The following EIF2S3 variants were observed in gnomAD, a reference collection of about 807,000 sequenced individuals.
The protein encoded by EIF2S3 is eukaryotic translation initiation factor 2 subunit gamma.
A neutral mutation model predicts 31.7 loss-of-function variants in EIF2S3; 2 were observed. The observed-to-expected ratio is 0.06, with a 90% confidence interval of 0.03 to 0.20. The LOEUF is 0.20. Ranked by LOEUF, EIF2S3 falls within the 10% of genes least tolerant of loss-of-function variation. EIF2S3 has a pLI of 1.00. For synonymous variants in EIF2S3, 120 were observed against 126.7 expected (o/e 0.95, Z 0.36); for missense variants, 96 against 359.3 (o/e 0.27, Z 5.92).
intron 11 of EIF2S3, among the ~76,000 whole-genome samples, chrX:24,074,862 CTTTTTTTTTTT>C (rs758813480): frequency 1.1e-4 from 5 of 47,474 alleles, no homozygotes; most frequent in Admixed American, 4.2e-4. Context: ...TTTTCTTCTT[CTTTTTTTTTTT>C]TTTTTTTTTT....
At position 24,064,327 on chromosome X, in the gene EIF2S3, G is replaced by A; in HGVS notation, c.764G>A (p.Arg255Gln). 7 of 1,176,387 alleles carry A rather than the reference G, an allele frequency of 6.0e-6. No individual in the cohort carries two copies. The South Asian group carries it at 6.0e-5, about 10-fold the overall frequency. ...CCAAGAGACTTTACTTCAGAGCCCC[G>A]GCTTATTGGTAAGTGATAGGATTTG... is the stretch of plus-strand genomic sequence containing the variant. ...VPPRDFTSEPRLIVIRSFDVN... is the reference protein window; with the variant it reads ...VPPRDFTSEPQLIVIRSFDVN... The change falls in exon 7 of 12, where the codon CGG (arginine) becomes CAG (glutamine). Residue 255 changes from arginine (R) to glutamine (Q), a missense_variant. By Grantham distance (43) the Arg-to-Gln change is conservative. Around this residue, in one of 5 missense-constraint regions of EIF2S3, gnomAD observed 30 missense variants for 139.5 expected, o/e 0.22. Transcript: ENST00000253039.
At chrX:24,065,396 G>A (rs376788244) in intron 7 of EIF2S3, among the ~76,000 whole-genome samples, 12 of 110,986 alleles carry the variant, frequency 1.1e-4, no homozygotes, top group East Asian at 8.4e-4. Context: ...TGAGGTGAGA[G>A]GATTGCTTGA....
intron 6 of EIF2S3, among the ~76,000 whole-genome samples, chrX:24,063,106 G>A (rs182969748): frequency 1.8e-5 from 2 of 111,835 alleles, no homozygotes; most frequent in African/African-American, 3.2e-5. Flanking sequence ...AGCAGGGTGT[G>A]GTGGCACATG....
intron 7 of EIF2S3, 133 bp downstream of exon 7, chrX:24,064,468 T>A (rs1930540670): frequency 1.2e-6 from 1 of 833,355 alleles, no homozygotes; most frequent in African/African-American, 2.1e-5. Flanking sequence ...AAATCAATTC[T>A]GAGATTGTAT....
chrX:24,055,238 G>T (rs1324526038), intron 1 of EIF2S3, among the ~76,000 whole-genome samples: 1 of 112,015 alleles, frequency 8.9e-6, no homozygotes, highest in Non-Finnish European at 1.9e-5. Flanking sequence ...GGCGTGTACG[G>T]TCGTGGGACT....
At chrX:24,073,855 G>A (rs1226244168) in intron 11 of EIF2S3, among the ~76,000 whole-genome samples, 1 of 112,006 alleles carries the variant, frequency 8.9e-6, no homozygotes, top group East Asian at 2.8e-4. Flanking sequence ...TAGAAAAATT[G>A]TAAGAGTTTT....
At chrX:24,065,410 TAGG>T (rs202118196) in intron 7 of EIF2S3, among the ~76,000 whole-genome samples, 1,610 of 111,321 alleles carry the variant, frequency 0.014, 32 homozygotes, top group African/African-American at 0.048. Context: ...TGCTTGAGGC[TAGG>T]AGTTCAGGAC....
chrX:24,055,274 A>G (rs998719399), intron 1 of EIF2S3, among the ~76,000 whole-genome samples: 1 of 111,513 alleles, frequency 9.0e-6, no homozygotes, highest in African/African-American at 3.3e-5. Flanking sequence ...GTTCGGCTGG[A>G]AAGTCTTGAT....
Position 24,077,904 on chromosome X carries a change from A to G in EIF2S3, c.*1119A>G, listed in dbSNP as rs1016259343. On this transcript the variant is annotated 3_prime_UTR_variant, in exon 12 of 12. Transcript: ENST00000253039. ...TTAACTGTTATATTATGATTGTGACATAGATTATACTACTACTAATTTTTG... is the reference window on the plus strand; with the variant it reads ...TTAACTGTTATATTATGATTGTGACGTAGATTATACTACTACTAATTTTTG... 5 of 112,239 alleles carry G rather than the reference A, an allele frequency of 4.5e-5. No individual in the cohort carries two copies. The Admixed American group carries it at 4.8e-4, about 11-fold the overall frequency. 9.2% of individuals were successfully genotyped at this position (112,239 alleles called of 1,213,427 possible). A position where few individuals can be genotyped will look rare whatever the true frequency, so the allele number is the denominator to read the frequency against.
intron 10 of EIF2S3, 87 bp from the exon 11 acceptor site, chrX:24,073,004 C>G (rs1354015543): frequency 1.0e-6 from 1 of 994,704 alleles, no homozygotes; most frequent in African/African-American, 1.9e-5. Flanking sequence ...TGACATATTT[C>G]CCAATAGTAT....
At position 24,064,519 on chromosome X, in the gene EIF2S3, C is replaced by T. The variant is rs1340739043; in HGVS notation, c.772+184C>T. 6.2e-5 allele frequency among the ~76,000 whole-genome samples: 7 copies of T among 112,555 alleles called. No individual in the cohort carries two copies. In the Admixed American group the frequency reaches 6.6e-4, roughly 11 times the overall value. ...GTATTACTGAATGAGGGACAGAGTC[C>T]TGAACACAGTAAGAACTGTTAACCT... On this transcript the variant is annotated intron_variant, in intron 7 of 11. Transcript: ENST00000253039.
At position 24,077,155 on chromosome X, in the gene EIF2S3, G is replaced by C. The variant is rs1196739600; in HGVS notation, c.*370G>C. The C allele has an allele frequency of 8.3e-6, 1 of 120,435 alleles. No individual in the cohort carries two copies. Among genetic ancestry groups the C allele is most frequent in the Admixed American group, 9.6e-5 (1 of 10,409 alleles). 9.9% of individuals were successfully genotyped at this position (120,435 alleles called of 1,213,427 possible). The stretch of plus-strand genomic sequence containing the variant: ...TGCAGTGGCGTGATCTGCAACCTCT[G>C]CCCCCCGGGTTCAAGCGATTCTCCT... On this transcript the variant is annotated 3_prime_UTR_variant, in exon 12 of 12. Transcript: ENST00000253039.
At chrX:24,059,552 A>G (rs1044734391) in intron 4 of EIF2S3, among the ~76,000 whole-genome samples, 1 of 109,664 alleles carries the variant, frequency 9.1e-6, no homozygotes, top group Non-Finnish European at 1.9e-5. Context: ...CCTCCCAAGT[A>G]GCTGGGATTA....
At chrX:24,059,639 T>C (rs1167137063) in intron 4 of EIF2S3, among the ~76,000 whole-genome samples, 5 of 111,596 alleles carry the variant, frequency 4.5e-5, no homozygotes, top group Non-Finnish European at 9.4e-5. Flanking sequence ...GTCAGGCTGG[T>C]CTCAAACTCC....
chrX:24,070,093 C>T (rs1178325495), intron 9 of EIF2S3, among the ~76,000 whole-genome samples: 1 of 108,284 alleles, frequency 9.2e-6, no homozygotes, highest in Non-Finnish European at 1.9e-5. Flanking sequence ...CTTGGCTGGG[C>T]GTGGTGGCTC....
Position 24,073,108 on chromosome X carries a change from G to A in EIF2S3, c.1200G>A (p.Lys400=). The A allele has an allele frequency of 2.5e-6, 3 of 1,208,152 alleles. No individual in the cohort carries two copies. The highest frequency in any genetic ancestry group is 3.4e-6 in the Non-Finnish European group (3 of 894,473). Residue 400 remains lysine (K), a synonymous_variant, in exon 11 of 12, where the codon AAG becomes AAA. Coordinates refer to ENST00000253039, the MANE Select transcript of EIF2S3 (RefSeq NM_001415.4). The part of the protein sequence containing the change: ...KKAAKVQKLS[K]NEVLMVNIGS... ...TTTTCTAGGTTCAAAAGCTGTCTAA[G>A]AATGAAGTGCTCATGGTGAACATAG...
At chrX:24,072,349 A>T (rs773656935) in intron 10 of EIF2S3, among the ~76,000 whole-genome samples, 2 of 111,377 alleles carry the variant, frequency 1.8e-5, no homozygotes, top group Non-Finnish European at 3.8e-5. Flanking sequence ...CAGTGGTGCG[A>T]TCTCGACTCA....
chrX:24,064,177 A>G (rs1569278905), intron 6 of EIF2S3, 24 bp from the exon 7 acceptor site: 1 of 1,115,015 alleles, frequency 9.0e-7, no homozygotes, highest in Admixed American at 3.3e-5. Flanking sequence ...TATAATTTTG[A>G]TCTTTCTAAA....
At chrX:24,076,627 C>A in intron 11 of EIF2S3, 95 bp from the exon 12 acceptor site, 1 of 870,784 alleles carries the variant, frequency 1.1e-6, no homozygotes, top group Admixed American at 2.8e-5. Context: ...AATTTGAATT[C>A]AGAAGATAAG....
Sources: allele counts gnomAD v4.1 joint callset (sites outside exome capture counted in the v4.1 genomes callset), GRCh38; gene constraint gnomAD v4.1.1; regional missense constraint gnomAD v4.1.1; transcripts MANE v1.5; gene names NCBI Gene and HGNC (gene_info 2026-07-23, HGNC 2026-07-21).